Variants in METTL24 observed in about 807,000 individuals in gnomAD.
METTL24 encodes the protein probable methyltransferase-like protein 24.
In METTL24, 29 loss-of-function variants were observed where a neutral mutation model predicts 32.7. The ratio of observed to expected loss-of-function variants is 0.89; its 90% CI spans 0.66 to 1.21. The LOEUF is 1.21. METTL24 is among the 50% of genes most tolerant of loss of function. METTL24 has a pLI of 0.00. For synonymous variants in METTL24, 163 were observed against 179.5 expected (o/e 0.91, Z 0.73); for missense variants, 439 against 468.1 (o/e 0.94, Z 0.57).
intron 1 of METTL24, among the ~76,000 whole-genome samples, chr6:110,350,062 T>C (rs1015280844): frequency 1.3e-5 from 2 of 152,230 alleles, no homozygotes; most frequent in African/African-American, 4.8e-5. Flanking sequence ...CAAACTCTCA[T>C]GCAGGTGTGT....
At chr6:110,255,996 A>G (rs1778376093) in intron 4 of METTL24, among the ~76,000 whole-genome samples, 1 of 152,172 alleles carries the variant, frequency 6.6e-6, no homozygotes. Context: ...CGCATTTGGT[A>G]TTTAGTTTTT....
chr6:110,302,975 T>C (rs1183563273), intron 3 of METTL24, among the ~76,000 whole-genome samples: 8 of 152,088 alleles, frequency 5.3e-5, no homozygotes, highest in East Asian at 3.9e-4. Context: ...GCTCATCTCA[T>C]TGGGACTGGT....
chr6:110,352,593 C>CT (rs75737659), intron 1 of METTL24, among the ~76,000 whole-genome samples: 14,908 of 145,638 alleles, frequency 0.1, 791 homozygotes, highest in African/African-American at 0.13. Flanking sequence ...ATTTTCATAT[C>CT]TTTTTTTTTT....
At chr6:110,294,724 CATAA>C (rs1436929307) in intron 4 of METTL24, among the ~76,000 whole-genome samples, 6 of 151,936 alleles carry the variant, frequency 3.9e-5, no homozygotes, top group East Asian at 1.9e-4. Flanking sequence ...TGTTATTTCA[CATAA>C]ATACTTATCA....
At chr6:110,312,013 T>C (rs1771732383) in intron 3 of METTL24, among the ~76,000 whole-genome samples, 1 of 152,166 alleles carries the variant, frequency 6.6e-6, no homozygotes, top group African/African-American at 2.4e-5. Flanking sequence ...CTTCACTCTG[T>C]TGATTGTTTC....
At chr6:110,264,732 T>A (rs1269842812) in intron 4 of METTL24, among the ~76,000 whole-genome samples, 1 of 152,110 alleles carries the variant, frequency 6.6e-6, no homozygotes, top group Non-Finnish European at 1.5e-5. Context: ...CAAATGTCCA[T>A]CAATGATAGA....
At chr6:110,260,634 G>A (rs533813687) in intron 4 of METTL24, among the ~76,000 whole-genome samples, 6 of 152,078 alleles carry the variant, frequency 3.9e-5, no homozygotes, top group Non-Finnish European at 5.9e-5. Context: ...GAAACTCCTC[G>A]AGAAGAGCAA....
intron 1 of METTL24, among the ~76,000 whole-genome samples, chr6:110,350,239 G>A (rs527515368): frequency 1.3e-4 from 20 of 152,342 alleles, no homozygotes; most frequent in African/African-American, 3.8e-4. Flanking sequence ...CTGTGGTAGT[G>A]CCTAATATGG....
intron 1 of METTL24, among the ~76,000 whole-genome samples, chr6:110,349,259 A>T (rs1296316431): frequency 6.6e-6 from 1 of 152,176 alleles, no homozygotes; most frequent in Non-Finnish European, 1.5e-5. Flanking sequence ...GGCTCTGACC[A>T]TTGGATTGTG....
At chr6:110,341,493 C>A (rs139162790) in intron 1 of METTL24, among the ~76,000 whole-genome samples, 1,825 of 152,238 alleles carry the variant, frequency 0.012, 36 homozygotes, top group African/African-American at 0.042. Flanking sequence ...CATGCCCTAT[C>A]CTAATTATAT....
intron 4 of METTL24, among the ~76,000 whole-genome samples, chr6:110,260,767 C>T (rs952625150): frequency 6.6e-6 from 1 of 152,192 alleles, no homozygotes; most frequent in Admixed American, 6.5e-5. Context: ...CAGGTGATCT[C>T]TCGGCAGAAA....
Position 110,315,905 on chromosome 6 carries a change from G to A in METTL24, c.418-424C>T, listed in dbSNP as rs116918511. Among the ~76,000 whole-genome samples the A allele has an allele frequency of 4.5e-3, 692 of 152,256 alleles. 2 individuals are homozygous for A. The highest frequency in any genetic ancestry group is 6.9e-3 in the Non-Finnish European group (469 of 68,000). On this transcript the variant is annotated intron_variant, in intron 2 of 4. Coordinates refer to ENST00000338882, the MANE Select transcript of METTL24 (RefSeq NM_001123364.3). ...GTGCTCACCATGCATAGATGTCTTC[G>A]TTACTCACAGAGTCCCTACTATAAG...
chr6:110,248,781 A>G (rs1484611286), intron 4 of METTL24, among the ~76,000 whole-genome samples: 1 of 151,938 alleles, frequency 6.6e-6, no homozygotes, highest in Non-Finnish European at 1.5e-5. Flanking sequence ...ATAAAAATAA[A>G]ACATTATTAA....
At chr6:110,316,713 TG>T (rs1426180083) in intron 2 of METTL24, among the ~76,000 whole-genome samples, 2 of 152,150 alleles carry the variant, frequency 1.3e-5, no homozygotes, top group African/African-American at 4.8e-5. Flanking sequence ...CTGGGCAACA[TG>T]GCAAAACTTC....
At chr6:110,322,012 GC>G (rs1299542673) in intron 2 of METTL24, among the ~76,000 whole-genome samples, 1 of 152,112 alleles carries the variant, frequency 6.6e-6, no homozygotes, top group Non-Finnish European at 1.5e-5. Flanking sequence ...CTGCTAATTT[GC>G]TAGCACCTCT....
rs186795963 is a variant in METTL24 at position 110,305,301 on chromosome 6, G to A, written c.558-6151C>T. On this transcript the variant is annotated intron_variant, in intron 3 of 4. Transcript: ENST00000338882. ...TCATGACTAAAACACCAAAAGCAAC[G>A]GCAACAAAAGCCAAAATTGACAAAT... Among the ~76,000 whole-genome samples the A allele has an allele frequency of 2.6e-3, 394 of 151,972 alleles. 9 individuals carry two copies. The highest frequency in any genetic ancestry group is 0.023 in the Admixed American group (358 of 15,260).
chr6:110,295,013 C>CTTTTTTTTTTTTTTTTTTTTTTTTT (rs1195740747), intron 4 of METTL24, among the ~76,000 whole-genome samples: 5 of 78,126 alleles, frequency 6.4e-5, no homozygotes, highest in African/African-American at 2.7e-4. Flanking sequence ...TTCTTTCTTT[C>CTTTTTTTTTTTTTTTTTTTTTTTTT]TTTTTTTTTT....
chr6:110,295,817 G>GGAAGGAAGGAAGGAAGGAAA (rs1163757413), intron 4 of METTL24, among the ~76,000 whole-genome samples: 33 of 151,468 alleles, frequency 2.2e-4, no homozygotes, highest in African/African-American at 7.3e-4. Flanking sequence ...AAGGAAGGAA[G>GGAAGGAAGGAAGGAAGGAAA]GAAGGAAGGA....
In METTL24 at chr6:110,245,498, T is replaced by C. The variant is rs139063241; in HGVS notation, c.*448A>G. On this transcript the variant is annotated 3_prime_UTR_variant, in exon 5 of 5. Transcript: ENST00000338882. Reference sequence around the variant, plus strand: ...ATCTACAAGGTTGTAAAGAATATCATTAACAAGGTAAATAAGAAAAACCTT... The same window carrying C: ...ATCTACAAGGTTGTAAAGAATATCACTAACAAGGTAAATAAGAAAAACCTT... Among the ~76,000 whole-genome samples, 11 of 152,234 alleles carry C rather than the reference T, an allele frequency of 7.2e-5. No homozygotes were observed. The highest frequency in any genetic ancestry group is 2.6e-4 in the African/African-American group (11 of 41,544).
Sources: gnomAD v4.1 joint callset for allele counts (sites outside exome capture counted in the v4.1 genomes callset) on GRCh38, gnomAD v4.1.1 for gene constraint, MANE v1.5 for transcripts, NCBI Gene and HGNC (gene_info 2026-07-23, HGNC 2026-07-21) for gene names.